Variants in GNS observed in about 807,000 individuals in gnomAD.
The protein encoded by GNS is N-acetylglucosamine-6-sulfatase.
GNS carries 40 observed loss-of-function variants against 69.7 expected under a neutral mutation model. That is an observed-to-expected ratio of 0.57 (90% CI 0.45 to 0.75). The LOEUF (loss-of-function observed/expected upper bound fraction) is 0.75. Ranked by LOEUF, GNS falls within the 30% of genes least tolerant of loss-of-function variation. GNS has a pLI of 0.00. For synonymous variants in GNS, 243 were observed against 251.6 expected (o/e 0.97, Z 0.32); for missense variants, 565 against 685.5 (o/e 0.82, Z 1.96).
chr12:64,734,243 C>A (rs1407587379), intron 9 of GNS, among the ~76,000 whole-genome samples: 1 of 152,210 alleles, frequency 6.6e-6, no homozygotes, highest in African/African-American at 2.4e-5. Flanking sequence ...GCGACCTTGG[C>A]AAAATCCATT....
Position 64,736,999 on chromosome 12 carries a change from C to G in GNS, c.1098+5G>C. 6.9e-7 allele frequency: 1 copy of G among 1,453,136 alleles called. No individual in the cohort carries two copies. Among genetic ancestry groups the G allele is most frequent in the Non-Finnish European group, 9.7e-7 (1 of 1,032,768 alleles). The allele number at this position is 1,453,136 out of a possible 1,614,324, so 90.0% of individuals were successfully genotyped here. A position where few individuals can be genotyped will look rare whatever the true frequency, so the allele number is the denominator to read the frequency against. On this transcript the variant is annotated splice_donor_5th_base_variant and intron_variant, in intron 9 of 13. Coordinates refer to ENST00000258145, the MANE Select transcript of GNS (RefSeq NM_002076.4). ...GTCCACAGCACCAGCTTGTCAGGCA[C>G]CTACCTTGCTTGTCTGATTTGGTTT... is the stretch of plus-strand genomic sequence containing the variant.
intron 13 of GNS, among the ~76,000 whole-genome samples, 191 bp from the exon 14 acceptor site, chr12:64,717,010 C>G (rs1285328791): frequency 6.6e-6 from 1 of 152,192 alleles, no homozygotes; most frequent in Non-Finnish European, 1.5e-5. Context: ...TCAGCACACA[C>G]AAAGTCACAC....
At chr12:64,734,686 A>G (rs1869508770) in intron 9 of GNS, among the ~76,000 whole-genome samples, 1 of 152,214 alleles carries the variant, frequency 6.6e-6, no homozygotes, top group South Asian at 2.1e-4. Flanking sequence ...CACTCTTCCC[A>G]CAGATCTCTG....
intron 2 of GNS, among the ~76,000 whole-genome samples, chr12:64,749,822 T>C (rs1439834478): frequency 6.6e-6 from 1 of 152,024 alleles, no homozygotes; most frequent in Non-Finnish European, 1.5e-5. Flanking sequence ...ATCAATTTTA[T>C]GGCCAGTACA....
chr12:64,745,056 A>T (rs991997266), intron 4 of GNS, 149 bp from the exon 5 acceptor site: 5 of 646,060 alleles, frequency 7.7e-6, no homozygotes, highest in Non-Finnish European at 1.4e-5. Context: ...TTTTTTGACT[A>T]GGGTTTTATT....
At chr12:64,727,416 G>A (rs1478957981) in intron 10 of GNS, among the ~76,000 whole-genome samples, 1 of 151,940 alleles carries the variant, frequency 6.6e-6, no homozygotes, top group East Asian at 1.9e-4. Flanking sequence ...CAGCCTGGGT[G>A]ACAGCACAAG....
At chr12:64,725,852 C>T (rs1173639851) in intron 10 of GNS, among the ~76,000 whole-genome samples, 5 of 151,722 alleles carry the variant, frequency 3.3e-5, no homozygotes, top group East Asian at 3.9e-4. Flanking sequence ...AAAAATTAGC[C>T]GGGCCTGGTG....
At position 64,747,772 on chromosome 12, in the gene GNS, T is replaced by C; in HGVS notation, c.399A>G (p.Pro133=). The change falls in exon 3 of 14, where the codon CCA becomes CCG. Residue 133 remains proline, a synonymous_variant. Transcript: ENST00000258145. ...WQKIQEPNTF[P]AILRSMCGYQ... ...AACCACACATTGATCTGAGAATTGC[T>C]GGGAAAGTATTTGGTTCTTGGATCT... is the stretch of plus-strand genomic sequence containing the variant. The C allele has an allele frequency of 6.2e-7, 1 of 1,613,036 alleles. No homozygotes were observed. The highest frequency in any genetic ancestry group is 1.1e-5 in the South Asian group (1 of 91,054).
chr12:64,748,941 TTTTTA>T (rs1269130608), intron 2 of GNS, among the ~76,000 whole-genome samples: 2 of 152,200 alleles, frequency 1.3e-5, no homozygotes, highest in African/African-American at 2.4e-5. Context: ...GGCATTTTTA[TTTTTA>T]TTTATTTTTT....
At chr12:64,717,518 ATTT>A (rs57088346) in intron 13 of GNS, among the ~76,000 whole-genome samples, 2 of 131,412 alleles carry the variant, frequency 1.5e-5, no homozygotes. Flanking sequence ...CACCTGGCTA[ATTT>A]TTTTTTTTTT....
intron 1 of GNS, among the ~76,000 whole-genome samples, chr12:64,753,251 T>C (rs1258122188): frequency 6.6e-6 from 1 of 152,160 alleles, no homozygotes; most frequent in Non-Finnish European, 1.5e-5. Flanking sequence ...CAACTACTGT[T>C]GTCTGCATAG....
chr12:64,740,631 A>T lies in GNS; in HGVS notation c.850T>A (p.Phe284Ile). The T allele has an allele frequency of 6.3e-7, 1 of 1,575,442 alleles. No individual in the cohort carries two copies. Among genetic ancestry groups the T allele is most frequent in the Non-Finnish European group, 8.7e-7 (1 of 1,144,952 alleles). ...CTTTTCCTAAATGCATTATCTAAAA[A>T]CTGTATTGAAGAATTAGTCATTGGA... ...KTPMTNSSIQ[F>I]LDNAFRKRWQ... The change falls in exon 7 of 14, where the codon TTT (phenylalanine) becomes ATT (isoleucine). Residue 284 changes from phenylalanine (F) to isoleucine (I), a missense_variant. Physicochemically the swap from Phe to Ile is conservative, Grantham distance 21. Around this residue, in one of 2 missense-constraint regions of GNS, gnomAD observed 384 missense variants for 511.0 expected, o/e 0.75. Coordinates refer to ENST00000258145, the MANE Select transcript of GNS (RefSeq NM_002076.4).
intron 9 of GNS, among the ~76,000 whole-genome samples, chr12:64,731,043 G>A (rs1428375767): frequency 6.6e-6 from 1 of 152,184 alleles, no homozygotes; most frequent in Non-Finnish European, 1.5e-5. Flanking sequence ...TGGGAGGCTT[G>A]TTCCTTTTTT....
intron 10 of GNS, among the ~76,000 whole-genome samples, chr12:64,724,746 A>T (rs762492565): frequency 1.3e-5 from 2 of 152,210 alleles, no homozygotes; most frequent in Non-Finnish European, 2.9e-5. Flanking sequence ...CTGTGGTCCC[A>T]GCTACTTGGG....
intron 5 of GNS, 72 bp from the exon 6 acceptor site, chr12:64,743,380 G>C (rs1869807195): frequency 9.2e-7 from 1 of 1,089,064 alleles, no homozygotes; most frequent in East Asian, 2.4e-5. Context: ...AATGTCTTCT[G>C]GTGAGCAGAC....
At chr12:64,748,591 T>C (rs908135176) in intron 2 of GNS, among the ~76,000 whole-genome samples, 2 of 152,184 alleles carry the variant, frequency 1.3e-5, no homozygotes, top group South Asian at 2.1e-4. Flanking sequence ...TTGGATCTAA[T>C]TGAGACACAG....
At chr12:64,753,663 G>C (rs1287853504) in intron 1 of GNS, among the ~76,000 whole-genome samples, 1 of 152,140 alleles carries the variant, frequency 6.6e-6, no homozygotes, top group Non-Finnish European at 1.5e-5. Context: ...ACATAAGTAG[G>C]TTAACAGGAG....
intron 1 of GNS, 61 bp downstream of exon 1, chr12:64,759,024 A>T (rs1393955287): frequency 7.4e-7 from 1 of 1,354,354 alleles, no homozygotes; most frequent in African/African-American, 1.4e-5. Context: ...CGGGAAAGAG[A>T]GCAACAAACC....
In GNS at chr12:64,759,280, G is replaced by A. The variant is rs1255436815; in HGVS notation, c.-4C>T. The stretch of plus-strand genomic sequence containing the variant: ...GGGCTAGAGGCAGGAGCCGCATAGC[G>A]GACAGGCTCCGGGGTGACCCCGGGA... On this transcript the variant is annotated 5_prime_UTR_variant, in exon 1 of 14. Coordinates refer to ENST00000258145, the MANE Select transcript of GNS (RefSeq NM_002076.4). The A allele has an allele frequency of 3.3e-6, 5 of 1,512,466 alleles. No homozygotes were observed. Among genetic ancestry groups the A allele is most frequent in the African/African-American group, 1.4e-5 (1 of 71,866 alleles). 93.7% of individuals were successfully genotyped at this position (1,512,466 alleles called of 1,614,324 possible).
Sources: gnomAD v4.1 joint callset for allele counts (sites outside exome capture counted in the v4.1 genomes callset) on GRCh38, gnomAD v4.1.1 for gene constraint, gnomAD v4.1.1 regional missense constraint, MANE v1.5 for transcripts, NCBI Gene and HGNC (gene_info 2026-07-23, HGNC 2026-07-21) for gene names.